KLHL32: variants seen among roughly 807,000 people sequenced by gnomAD.
KLHL32 encodes the protein kelch-like protein 32.
KLHL32 carries 35 observed loss-of-function variants against 64.8 expected under a neutral mutation model. The observed-to-expected ratio is 0.54, with a 90% confidence interval of 0.41 to 0.72. The LOEUF is 0.72. Among genes scored for constraint, KLHL32 ranks in the 30% least tolerant of loss-of-function variants. KLHL32 has a pLI of 0.00. For missense variants in KLHL32, 589 were observed against 768.5 expected (o/e 0.77, Z 2.76); for synonymous variants, 259 against 281.0 (o/e 0.92, Z 0.78).
chr6:97,066,864 T>C (rs1789837191), intron 5 of KLHL32, among the ~76,000 whole-genome samples: 1 of 152,214 alleles, frequency 6.6e-6, no homozygotes, highest in African/African-American at 2.4e-5. Context: ...GACTATTTCA[T>C]TGAGTATATA....
At chr6:96,922,738 G>A (rs1045120124), upstream of KLHL32, among the ~76,000 whole-genome samples, 5 of 152,196 alleles carry the variant, frequency 3.3e-5, no homozygotes, top group Non-Finnish European at 7.3e-5. Flanking sequence ...TGGTACCTAA[G>A]AGAGAAATGG....
intron 6 of KLHL32, among the ~76,000 whole-genome samples, chr6:97,096,965 T>A (rs1209363976): frequency 6.6e-6 from 1 of 152,228 alleles, no homozygotes; most frequent in East Asian, 1.9e-4. Flanking sequence ...GAAGCCTTTT[T>A]AGTCATTTTG....
intron 5 of KLHL32, among the ~76,000 whole-genome samples, chr6:97,081,138 C>T (rs1792438368): frequency 6.6e-6 from 1 of 152,122 alleles, no homozygotes; most frequent in African/African-American, 2.4e-5. Flanking sequence ...CATAGGGAAG[C>T]CCCAGGGTTG....
intron 5 of KLHL32, among the ~76,000 whole-genome samples, chr6:97,071,855 C>T (rs894870442): frequency 6.6e-6 from 1 of 152,200 alleles, no homozygotes; most frequent in Non-Finnish European, 1.5e-5. Flanking sequence ...AGCTGCGCTC[C>T]CTGCCTGTAG....
intron 4 of KLHL32, among the ~76,000 whole-genome samples, chr6:97,049,153 T>C (rs1490281773): frequency 6.6e-6 from 1 of 152,218 alleles, no homozygotes; most frequent in Non-Finnish European, 1.5e-5. Flanking sequence ...ACTATGTTTT[T>C]TTCCTATCCA....
At chr6:97,095,557 C>T (rs975706189) in intron 6 of KLHL32, among the ~76,000 whole-genome samples, 1 of 152,166 alleles carries the variant, frequency 6.6e-6, no homozygotes, top group Non-Finnish European at 1.5e-5. Context: ...ATCCTGTTTT[C>T]GACCCCATGT....
At chr6:97,100,223 T>C (rs1404754245) in intron 6 of KLHL32, among the ~76,000 whole-genome samples, 1 of 152,182 alleles carries the variant, frequency 6.6e-6, no homozygotes, top group African/African-American at 2.4e-5. Flanking sequence ...AGAGGATTCA[T>C]AGTTCCCTAG....
At chr6:97,105,291 A>G (rs1391572977) in intron 6 of KLHL32, among the ~76,000 whole-genome samples, 1 of 152,246 alleles carries the variant, frequency 6.6e-6, no homozygotes, top group African/African-American at 2.4e-5. Context: ...TCGTCTATGC[A>G]TCATCATCCA....
chr6:97,087,192 A>C (rs1793547775), intron 6 of KLHL32, among the ~76,000 whole-genome samples: 1 of 152,262 alleles, frequency 6.6e-6, no homozygotes. Flanking sequence ...GGCATTCAGC[A>C]GGCAATAAGA....
At chr6:97,071,812 G>T (rs1211998811) in intron 5 of KLHL32, among the ~76,000 whole-genome samples, 1 of 152,080 alleles carries the variant, frequency 6.6e-6, no homozygotes, top group African/African-American at 2.4e-5. Context: ...TTCGGGTTGG[G>T]ACTATTTTTC....
Position 97,130,935 on chromosome 6 carries a change from T to A in KLHL32, c.1592T>A (p.Phe531Tyr). ...ACTGACCAGTGGACACGTTGTAATT[T>A]CAACCTGCTGACTGGCAAGTACCTT... Reference protein sequence around the residue: ...IDTDQWTRCNFNLLTGQNESG... With the variant: ...IDTDQWTRCNYNLLTGQNESG... Residue 531 changes from phenylalanine to tyrosine, a missense_variant, in exon 9 of 11, where the codon TTC becomes TAC. Physicochemically the swap from Phe to Tyr is conservative, Grantham distance 22. Around this residue, in one of 3 missense-constraint regions of KLHL32, gnomAD observed 172 missense variants for 192.0 expected, o/e 0.90. Coordinates refer to ENST00000369261, the MANE Select transcript of KLHL32 (RefSeq NM_052904.4). 6.2e-7 allele frequency: 1 copy of A among 1,611,638 alleles called. No homozygotes were observed. Among genetic ancestry groups the A allele is most frequent in the South Asian group, 1.1e-5 (1 of 90,352 alleles).
intron 3 of KLHL32, among the ~76,000 whole-genome samples, chr6:97,037,742 A>G (rs988264408): frequency 6.6e-6 from 1 of 152,112 alleles, no homozygotes; most frequent in Admixed American, 6.5e-5. Context: ...CAAAAAGAAC[A>G]AAGACATTAC....
chr6:96,957,778 G>GT (rs1773433950), intron 1 of KLHL32, among the ~76,000 whole-genome samples: 1 of 152,092 alleles, frequency 6.6e-6, no homozygotes, highest in African/African-American at 2.4e-5. Flanking sequence ...GGTTCCCAAG[G>GT]TCTCCAGCTG....
At chr6:97,014,740 A>G (rs931181937) in intron 3 of KLHL32, among the ~76,000 whole-genome samples, 1 of 152,254 alleles carries the variant, frequency 6.6e-6, no homozygotes, top group Non-Finnish European at 1.5e-5. Flanking sequence ...CATGTAACTC[A>G]TAAAGGATGC....
chr6:97,060,659 T>C (rs1788732132), intron 4 of KLHL32, among the ~76,000 whole-genome samples: 1 of 152,188 alleles, frequency 6.6e-6, no homozygotes, highest in African/African-American at 2.4e-5. Context: ...CAAATTCTCC[T>C]GTCTGCTACC....
intron 3 of KLHL32, among the ~76,000 whole-genome samples, chr6:96,995,419 C>T (rs6924307): frequency 0.25 from 37,276 of 152,086 alleles, 5,900 homozygotes; most frequent in East Asian, 0.53. Flanking sequence ...AACTTTTCTC[C>T]TCCTCTGGCT....
chr6:96,904,691 A>G, the KLHL32 span, among the ~76,000 whole-genome samples: 1 of 152,222 alleles, frequency 6.6e-6, no homozygotes, highest in Admixed American at 6.5e-5. Context: ...AGAATAGCCA[A>G]TAGATTTTAG....
intron 1 of KLHL32, among the ~76,000 whole-genome samples, chr6:96,947,167 A>G (rs1238256551): frequency 6.6e-6 from 1 of 152,202 alleles, no homozygotes; most frequent in Non-Finnish European, 1.5e-5. Flanking sequence ...ATCATCAACT[A>G]ACCACTAACT....
intron 4 of KLHL32, among the ~76,000 whole-genome samples, chr6:97,053,715 A>AT (rs987253905): frequency 6.6e-6 from 1 of 151,710 alleles, no homozygotes; most frequent in African/African-American, 2.4e-5. Context: ...ATATAAGTAC[A>AT]TTTGTTTTTT....
Sources: allele counts gnomAD v4.1 joint callset (sites outside exome capture counted in the v4.1 genomes callset), GRCh38; gene constraint gnomAD v4.1.1; regional missense constraint gnomAD v4.1.1; transcripts MANE v1.5; gene names NCBI Gene and HGNC (gene_info 2026-07-23, HGNC 2026-07-21).